The following PCLO variants were observed in gnomAD, a reference collection of about 807,000 sequenced individuals.
PCLO encodes piccolo presynaptic cytomatrix protein, also known as protein piccolo.
A neutral mutation model predicts 427.5 loss-of-function variants in PCLO; 82 were observed. The ratio of observed to expected loss-of-function variants is 0.19; its 90% CI spans 0.16 to 0.23. The LOEUF (loss-of-function observed/expected upper bound fraction) is 0.23. PCLO is among the 10% of genes least tolerant of loss of function. The pLI, the probability that PCLO is intolerant of heterozygous loss-of-function variation, is 1.00. For missense variants in PCLO, 6,239 were observed against 6,115.9 expected (o/e 1.02, Z -0.67); for synonymous variants, 2,357 against 2,155.4 (o/e 1.09, Z -2.59).
intron 3 of PCLO, among the ~76,000 whole-genome samples, chr7:83,111,668 G>T (rs980184424): frequency 6.6e-6 from 1 of 152,120 alleles, no homozygotes; most frequent in Admixed American, 6.6e-5. Flanking sequence ...ACTAGACCTC[G>T]AGTGCAGTCT....
intron 6 of PCLO, among the ~76,000 whole-genome samples, chr7:82,929,263 T>C (rs910814854): frequency 9.9e-5 from 15 of 152,272 alleles, no homozygotes; most frequent in Middle Eastern, 3.4e-3. Flanking sequence ...TTATTAACAG[T>C]TGCATATAAA....
chr7:82,887,841 G>A (rs1199580538), intron 9 of PCLO, among the ~76,000 whole-genome samples: 2 of 152,082 alleles, frequency 1.3e-5, no homozygotes, highest in African/African-American at 4.8e-5. Context: ...AGGCCAAGGC[G>A]GGCTAATCAC....
At chr7:82,942,901 TA>T (rs1205376269) in intron 6 of PCLO, among the ~76,000 whole-genome samples, 3 of 152,106 alleles carry the variant, frequency 2.0e-5, no homozygotes, top group Non-Finnish European at 4.4e-5. Context: ...ACCACCATTA[TA>T]AAACAGTTTT....
intron 10 of PCLO, among the ~76,000 whole-genome samples, chr7:82,861,194 C>T (rs1447470071): frequency 6.6e-6 from 1 of 151,920 alleles, no homozygotes; most frequent in Non-Finnish European, 1.5e-5. Flanking sequence ...ACCCATTGTT[C>T]TGTTGCCTAC....
chr7:83,055,601 T>A (rs1789359731), intron 3 of PCLO, among the ~76,000 whole-genome samples: 1 of 152,112 alleles, frequency 6.6e-6, no homozygotes, highest in Non-Finnish European at 1.5e-5. Context: ...AGTCAATTAT[T>A]TGCAGGGATG....
chr7:82,843,905 C>T (rs913328209), intron 13 of PCLO, among the ~76,000 whole-genome samples: 1 of 151,876 alleles, frequency 6.6e-6, no homozygotes, highest in Non-Finnish European at 1.5e-5. Context: ...GTCTCAAGTG[C>T]TCTGCCTCTC....
intron 10 of PCLO, among the ~76,000 whole-genome samples, chr7:82,861,186 C>A (rs1792946824): frequency 6.6e-6 from 1 of 151,830 alleles, no homozygotes; most frequent in Admixed American, 6.6e-5. Flanking sequence ...TAAACAAGAC[C>A]CATTGTTCTG....
intron 3 of PCLO, among the ~76,000 whole-genome samples, chr7:83,126,335 A>G (rs1253034701): frequency 1.3e-5 from 2 of 152,196 alleles, no homozygotes; most frequent in Admixed American, 6.5e-5. Flanking sequence ...ACTACAGTCA[A>G]CTATAATTAA....
In PCLO at chr7:82,966,335, A is replaced by T; in HGVS notation, c.3453T>A (p.Pro1151=). Residue 1151 remains proline, a synonymous_variant, in exon 4 of 25, where the codon CCT becomes CCA. Coordinates refer to ENST00000333891, the MANE Select transcript of PCLO (RefSeq NM_033026.6). ...GCTTTTTCACTAATTTTACTTGGGG[A>T]GGCACTGCTGTTTTCTGAGATGATG... ...TESSSQKTAV[P]PQVKLVKKQE... is the part of the protein sequence containing the mutation. The T allele has an allele frequency of 3.1e-6, 5 of 1,613,412 alleles. No individual in the cohort carries two copies. The Middle Eastern group carries it at 6.6e-4, about 213-fold the overall frequency.
chr7:82,788,616 C>T (rs1396139633), intron 22 of PCLO, among the ~76,000 whole-genome samples: 2 of 151,932 alleles, frequency 1.3e-5, no homozygotes, highest in Non-Finnish European at 2.9e-5. Flanking sequence ...AAGTATTAAA[C>T]TAATTCTCCT....
At chr7:82,873,818 TGG>T (rs201751274) in intron 10 of PCLO, among the ~76,000 whole-genome samples, 3 of 137,414 alleles carry the variant, frequency 2.2e-5, no homozygotes, top group Admixed American at 2.1e-4. Flanking sequence ...AGTTCTAGAT[TGG>T]GGGGGTGGTT....
At position 83,047,990 on chromosome 7, in the gene PCLO, A is replaced by C. The variant is rs186193424; in HGVS notation, c.3301-81503T>G. On this transcript the variant is annotated intron_variant, in intron 3 of 24. Transcript: ENST00000333891. ...GGTATTTTATGTGAGGACCAGATAG[A>C]AGGTCCAAATTTTGTTTCAGAATGG... 2.6e-5 allele frequency among the ~76,000 whole-genome samples: 4 copies of C among 152,144 alleles called. No individual in the cohort carries two copies. In the East Asian group the frequency reaches 7.7e-4, roughly 29 times the overall value.
chr7:83,075,540 T>C (rs1345391129), intron 3 of PCLO, among the ~76,000 whole-genome samples: 1 of 152,178 alleles, frequency 6.6e-6, no homozygotes, highest in African/African-American at 2.4e-5. Flanking sequence ...ATGACAAGTG[T>C]TGTTTCTGTC....
chr7:83,084,525 A>G (rs1401182552), intron 3 of PCLO, among the ~76,000 whole-genome samples: 1 of 152,166 alleles, frequency 6.6e-6, no homozygotes, highest in Non-Finnish European at 1.5e-5. Context: ...TAATAATTAA[A>G]GGCTAGATTC....
Position 83,154,274 on chromosome 7 carries a change from G to T in PCLO, c.1893+474C>A, listed in dbSNP as rs371595683. On this transcript the variant is annotated intron_variant, in intron 2 of 24. Transcript: ENST00000333891. ...CTCATTTGATATATCAGAATTACTAGCAGGGAAAAGGGATGTGGAGATTAA... is the reference window on the plus strand; with the variant it reads ...CTCATTTGATATATCAGAATTACTATCAGGGAAAAGGGATGTGGAGATTAA... Among the ~76,000 whole-genome samples the T allele has an allele frequency of 6.6e-5, 10 of 152,234 alleles. 1 individual carries two copies. Among genetic ancestry groups the T allele is most frequent in the Admixed American group, 4.6e-4 (7 of 15,288 alleles).
At chr7:83,118,793 G>C (rs977653212) in intron 3 of PCLO, among the ~76,000 whole-genome samples, 1 of 152,058 alleles carries the variant, frequency 6.6e-6, no homozygotes, top group African/African-American at 2.4e-5. Context: ...GATTGAAGCT[G>C]GGCTCAAGTA....
chr7:82,801,153 T>A (rs1791338930), intron 22 of PCLO, among the ~76,000 whole-genome samples: 2 of 94,800 alleles, frequency 2.1e-5, no homozygotes, highest in African/African-American at 3.1e-5. Context: ...TAAATGAGGT[T>A]CCATGATTGA....
chr7:83,041,965 A>C (rs1190592283), intron 3 of PCLO, among the ~76,000 whole-genome samples: 1 of 152,152 alleles, frequency 6.6e-6, no homozygotes, highest in East Asian at 1.9e-4. Context: ...GGAGGCAATA[A>C]AAATTTCTGG....
At chr7:83,026,552 A>G (rs1377294937) in intron 3 of PCLO, among the ~76,000 whole-genome samples, 1 of 151,316 alleles carries the variant, frequency 6.6e-6, no homozygotes, top group East Asian at 1.9e-4. Context: ...TCAACGAGAC[A>G]GAAAGTCAAC....
Sources: allele counts gnomAD v4.1 joint callset (sites outside exome capture counted in the v4.1 genomes callset), GRCh38; gene constraint gnomAD v4.1.1; transcripts MANE v1.5; gene names NCBI Gene and HGNC (gene_info 2026-07-23, HGNC 2026-07-21).